Variants in EREG observed in about 807,000 individuals in gnomAD.
The protein encoded by EREG is epiregulin, also known as proepiregulin.
A neutral mutation model predicts 22.4 loss-of-function variants in EREG; 23 were observed. The observed-to-expected ratio is 1.03, with a 90% CI of 0.74 to 1.46. The LOEUF (loss-of-function observed/expected upper bound fraction) is 1.46. EREG is among the 40% of genes most tolerant of loss of function. The pLI is 0.00. For synonymous variants in EREG, 100 were observed against 75.4 expected (o/e 1.33, Z -1.69); for missense variants, 226 against 205.9 (o/e 1.10, Z -0.60).
Position 74,387,518 on chromosome 4 carries a change from T to A in EREG, c.*2710T>A, listed in dbSNP as rs1430568739. ...AAAGCTAATCCCTAAAATAGTTAGATCTTTGTAAATGCATATTAAATAATA... is the reference window on the plus strand; with the variant it reads ...AAAGCTAATCCCTAAAATAGTTAGAACTTTGTAAATGCATATTAAATAATA... On this transcript the variant is annotated 3_prime_UTR_variant, in exon 5 of 5. Coordinates refer to ENST00000244869, the MANE Select transcript of EREG (RefSeq NM_001432.3). 6.6e-6 allele frequency: 1 copy of A among 152,248 alleles called. No individual in the cohort carries two copies. The highest frequency in any genetic ancestry group is 2.4e-5 in the African/African-American group (1 of 41,462). 9.4% of individuals were successfully genotyped at this position (152,248 alleles called of 1,614,324 possible). A position where few individuals can be genotyped will look rare whatever the true frequency, so the allele number is the denominator to read the frequency against.
At chr4:74,377,946 A>G (rs1367614050) in intron 1 of EREG, among the ~76,000 whole-genome samples, 2 of 152,338 alleles carry the variant, frequency 1.3e-5, no homozygotes, top group Middle Eastern at 3.4e-3. Context: ...GGGTGGGGAC[A>G]CAGAGCCAAA....
intron 2 of EREG, among the ~76,000 whole-genome samples, chr4:74,379,811 G>T (rs1378489820): frequency 6.6e-6 from 1 of 152,106 alleles, no homozygotes; most frequent in Admixed American, 6.5e-5. Flanking sequence ...CCGTCTCCTG[G>T]CACTTTACTG....
At chr4:74,369,802 G>A (rs1305256550) in intron 1 of EREG, among the ~76,000 whole-genome samples, 2 of 151,390 alleles carry the variant, frequency 1.3e-5, no homozygotes, top group Non-Finnish European at 2.9e-5. Context: ...ATTTATCTCT[G>A]AGCCTCAGTT....
chr4:74,384,845 T>A lies in EREG; in HGVS notation c.*37T>A. The A allele has an allele frequency of 7.9e-7, 1 of 1,269,972 alleles. No individual in the cohort carries two copies. Among genetic ancestry groups the A allele is most frequent in the Non-Finnish European group, 1.1e-6 (1 of 874,590 alleles). 78.7% of individuals were successfully genotyped at this position (1,269,972 alleles called of 1,614,324 possible). On this transcript the variant is annotated 3_prime_UTR_variant, in exon 5 of 5. Transcript: ENST00000244869. ...AAACTTATGGGCAGGGATAACAGTG[T>A]GCCTGGTTAATATTAATATTCCCAT...
chr4:74,377,120 G>C (rs1752394799), intron 1 of EREG, among the ~76,000 whole-genome samples: 1 of 144,696 alleles, frequency 6.9e-6, no homozygotes, highest in Non-Finnish European at 1.5e-5. Context: ...TAGAAGTTGA[G>C]AGTCAAGGAA....
intron 1 of EREG, among the ~76,000 whole-genome samples, chr4:74,379,169 A>G (rs969911024): frequency 2.6e-5 from 4 of 152,230 alleles, no homozygotes; most frequent in African/African-American, 9.6e-5. Context: ...ATCAAACTTC[A>G]AAATCAAATC....
chr4:74,379,787 T>C (rs1160986283), intron 2 of EREG, among the ~76,000 whole-genome samples: 2 of 152,104 alleles, frequency 1.3e-5, no homozygotes, highest in African/African-American at 2.4e-5. Context: ...AACAAAAAAT[T>C]GCATTCCCTT....
At chr4:74,371,012 A>G (rs1376920328) in intron 1 of EREG, among the ~76,000 whole-genome samples, 1 of 152,142 alleles carries the variant, frequency 6.6e-6, no homozygotes, top group Non-Finnish European at 1.5e-5. Context: ...GGTGTTTAGC[A>G]GCAACCCTGG....
chr4:74,371,629 A>G (rs1450588383), intron 1 of EREG, among the ~76,000 whole-genome samples: 1 of 152,194 alleles, frequency 6.6e-6, no homozygotes, highest in African/African-American at 2.4e-5. Flanking sequence ...CCATTCCTTT[A>G]AAGGCAGTAT....
chr4:74,366,862 G>A lies in EREG; in HGVS notation c.67+1487G>A, dbSNP rs76072399. Among the ~76,000 whole-genome samples the A allele has an allele frequency of 4.9e-3, 744 of 152,244 alleles. 2 individuals carry two copies. The highest frequency in any genetic ancestry group is 8.5e-3 in the Non-Finnish European group (579 of 68,034). On this transcript the variant is annotated intron_variant, in intron 1 of 4. Transcript: ENST00000244869. ...GCCAAGCCCATTTCCAAATGAGTTAGGTCAGTTTCTGTTTTCCCAGTTTGT... is the reference window on the plus strand; with the variant it reads ...GCCAAGCCCATTTCCAAATGAGTTAAGTCAGTTTCTGTTTTCCCAGTTTGT...
chr4:74,382,743 T>A lies in EREG; in HGVS notation c.377T>A (p.Ile126Asn). 2 of 1,613,918 alleles carry A rather than the reference T, an allele frequency of 1.2e-6. No homozygotes were observed. The highest frequency in any genetic ancestry group is 8.5e-7 in the Non-Finnish European group (1 of 1,179,846). ...TATGTGGCTTTGACCGTGATTCTTA[T>A]TATTTTGTTTCTTATCACAGTCGTC... Reference protein sequence around the residue: ...KEYVALTVILIILFLITVVGS... With the variant: ...KEYVALTVILNILFLITVVGS... The change falls in exon 4 of 5, where the codon ATT (isoleucine) becomes AAT (asparagine). Residue 126 changes from isoleucine to asparagine, a missense_variant. Transcript: ENST00000244869.
At chr4:74,373,775 T>C (rs904848189) in intron 1 of EREG, among the ~76,000 whole-genome samples, 24 of 149,984 alleles carry the variant, frequency 1.6e-4, no homozygotes, top group Admixed American at 1.0e-3. Flanking sequence ...CACACACACA[T>C]ATATATACTC....
At chr4:74,370,411 T>A (rs1165778805) in intron 1 of EREG, among the ~76,000 whole-genome samples, 1 of 152,230 alleles carries the variant, frequency 6.6e-6, no homozygotes, top group African/African-American at 2.4e-5. Context: ...ATAGACTCAA[T>A]TAGCTGCACT....
rs1410277504 is a variant in EREG at position 74,387,292 on chromosome 4, A to C, written c.*2484A>C. On this transcript the variant is annotated 3_prime_UTR_variant, in exon 5 of 5. Transcript: ENST00000244869. Reference sequence around the variant, plus strand: ...TATTTATTAACGCTTACTAGATGTGAGGAGAGTCTGAATATTTTCAGTGAT... The same window carrying C: ...TATTTATTAACGCTTACTAGATGTGCGGAGAGTCTGAATATTTTCAGTGAT... 4 of 151,822 alleles carry C rather than the reference A, an allele frequency of 2.6e-5. No homozygotes were observed. Among genetic ancestry groups the C allele is most frequent in the Non-Finnish European group, 5.9e-5 (4 of 67,990 alleles). The allele number at this position is 151,822 out of a possible 1,614,324, so 9.4% of individuals were successfully genotyped here.
intron 1 of EREG, among the ~76,000 whole-genome samples, chr4:74,378,634 T>G (rs1448203850): frequency 6.6e-6 from 1 of 151,994 alleles, no homozygotes; most frequent in African/African-American, 2.4e-5. Flanking sequence ...AAAGAGTGTT[T>G]GAAGTGCAAA....
intron 1 of EREG, among the ~76,000 whole-genome samples, chr4:74,375,218 C>T (rs1451262607): frequency 6.7e-6 from 1 of 149,620 alleles, no homozygotes; most frequent in Non-Finnish European, 1.5e-5. Flanking sequence ...ACACTAAGGT[C>T]ATGAAAAGCC....
rs1281103221 is a variant in EREG at position 74,384,934 on chromosome 4, G to T, written c.*126G>T. The T allele has an allele frequency of 4.1e-6, 2 of 489,514 alleles. No homozygotes were observed. Among genetic ancestry groups the T allele is most frequent in the African/African-American group, 2.0e-5 (1 of 50,956 alleles). 30.3% of individuals were successfully genotyped at this position (489,514 alleles called of 1,614,324 possible). ...AATAACACTGTATTTTAATGTACTT[G>T]AAAAATGTTTTTATTTTTGTTTTAT... On this transcript the variant is annotated 3_prime_UTR_variant, in exon 5 of 5. Transcript: ENST00000244869.
Position 74,384,951 on chromosome 4 carries a change from T to G in EREG, c.*143T>G. On this transcript the variant is annotated 3_prime_UTR_variant, in exon 5 of 5. Coordinates refer to ENST00000244869, the MANE Select transcript of EREG (RefSeq NM_001432.3). The stretch of plus-strand genomic sequence containing the variant: ...ATGTACTTGAAAAATGTTTTTATTT[T>G]TGTTTTATTTTTGACAGACTATTTG... 1 of 498,558 alleles carries G rather than the reference T, an allele frequency of 2.0e-6. No homozygotes were observed. The highest frequency in any genetic ancestry group is 4.7e-5 in the South Asian group (1 of 21,228). 30.9% of individuals were successfully genotyped at this position (498,558 alleles called of 1,614,324 possible). A position where few individuals can be genotyped will look rare whatever the true frequency, so the allele number is the denominator to read the frequency against.
At position 74,385,827 on chromosome 4, in the gene EREG, G is replaced by C. The variant is rs1386629744; in HGVS notation, c.*1019G>C. The C allele has an allele frequency of 1.5e-5, 6 of 396,316 alleles. No individual in the cohort carries two copies. The South Asian group carries it at 7.7e-4, about 51-fold the overall frequency. 24.5% of individuals were successfully genotyped at this position (396,316 alleles called of 1,614,324 possible). A position where few individuals can be genotyped will look rare whatever the true frequency, so the allele number is the denominator to read the frequency against. On this transcript the variant is annotated 3_prime_UTR_variant, in exon 5 of 5. Transcript: ENST00000244869. Reference sequence around the variant, plus strand: ...GTTATTTCATCTTTTATTCAAGGAAGTTTTAACTTTAATACAGCTCAGTAA... The same window carrying C: ...GTTATTTCATCTTTTATTCAAGGAACTTTTAACTTTAATACAGCTCAGTAA...
Sources: gnomAD v4.1 joint callset for allele counts (sites outside exome capture counted in the v4.1 genomes callset) on GRCh38, gnomAD v4.1.1 for gene constraint, MANE v1.5 for transcripts, NCBI Gene and HGNC (gene_info 2026-07-23, HGNC 2026-07-21) for gene names.